The following FOXP2 variants were observed in gnomAD, a reference collection of about 807,000 sequenced individuals.
The protein encoded by FOXP2 is forkhead box P2.
In FOXP2, 12 loss-of-function variants were observed where a neutral mutation model predicts 115.8. That is an observed-to-expected ratio of 0.10 (90% CI 0.07 to 0.17). The LOEUF is 0.17. Ranked by LOEUF, FOXP2 falls within the 10% of genes least tolerant of loss-of-function variation. The probability of loss-of-function intolerance (pLI) is 1.00; values close to 1 mark genes in which losing one functional copy is unlikely to be tolerated. For synonymous variants in FOXP2, 328 were observed against 297.7 expected, an observed-to-expected ratio of 1.10 and a Z score of -1.05; for missense variants, 629 against 843.5, an observed-to-expected ratio of 0.75 and a Z score of 3.15.
chr7:114,401,130 AGG>A (rs1162059215), intron 2 of FOXP2, among the ~76,000 whole-genome samples: 3 of 152,118 alleles, frequency 2.0e-5, no homozygotes, highest in Non-Finnish European at 4.4e-5. Flanking sequence ...CTGACTTAGT[AGG>A]GTTCTTTTGA....
In FOXP2 at chr7:114,261,076, C is replaced by T. The variant is rs1223131473; in HGVS notation, c.-101-26943C>T. Among the ~76,000 whole-genome samples the T allele has an allele frequency of 5.3e-5, 8 of 152,162 alleles. No homozygotes were observed. In the East Asian group the frequency reaches 1.4e-3, roughly 26 times the overall value. ...GTATCTGTTAGAGAGCAATGAAGTT[C>T]CCTTTTGTTTGGTTTACAATTGTTG... is the stretch of plus-strand genomic sequence containing the variant. On this transcript the variant is annotated intron_variant, in intron 1 of 17. Transcript: ENST00000634411.
intron 13 of FOXP2, among the ~76,000 whole-genome samples, chr7:114,660,407 G>A (rs1244993024): frequency 6.6e-6 from 1 of 152,092 alleles, no homozygotes; most frequent in African/African-American, 2.4e-5. Flanking sequence ...AAGCCATTTG[G>A]TACAAAAGGG....
intron 1 of FOXP2, among the ~76,000 whole-genome samples, chr7:114,157,324 G>A (rs912874329): frequency 6.6e-6 from 1 of 152,078 alleles, no homozygotes; most frequent in Non-Finnish European, 1.5e-5. Context: ...TGCTATTTGA[G>A]TAGCTTATTC....
At chr7:114,279,766 T>TA (rs35505116) in intron 1 of FOXP2, among the ~76,000 whole-genome samples, 4,318 of 145,038 alleles carry the variant, frequency 0.03, 122 homozygotes, top group African/African-American at 0.074. Context: ...TATATTAGTT[T>TA]AAAAAAAAAA....
intron 1 of FOXP2, among the ~76,000 whole-genome samples, chr7:114,146,149 C>T (rs1382736952): frequency 6.6e-6 from 1 of 152,136 alleles, no homozygotes; most frequent in Non-Finnish European, 1.5e-5. Context: ...TGGATCTAAA[C>T]TAGATACCAT....
chr7:114,402,506 AAT>A (rs1562905726), intron 2 of FOXP2, among the ~76,000 whole-genome samples: 1 of 152,178 alleles, frequency 6.6e-6, no homozygotes, highest in Non-Finnish European at 1.5e-5. Context: ...CTGGTAAACA[AAT>A]ATTTGTTGAG....
chr7:114,228,053 G>T (rs1794785633), intron 1 of FOXP2, among the ~76,000 whole-genome samples: 1 of 151,906 alleles, frequency 6.6e-6, no homozygotes, highest in Admixed American at 6.6e-5. Flanking sequence ...ATGCTTCTTA[G>T]TTTATTATGA....
At chr7:114,272,595 A>G (rs769787319) in intron 1 of FOXP2, among the ~76,000 whole-genome samples, 5 of 151,780 alleles carry the variant, frequency 3.3e-5, no homozygotes, top group Non-Finnish European at 7.4e-5. Context: ...ATTTCTTCTT[A>G]TATGAGTTTT....
chr7:114,177,107 G>T (rs958056850), intron 1 of FOXP2, among the ~76,000 whole-genome samples: 2 of 151,962 alleles, frequency 1.3e-5, no homozygotes, highest in African/African-American at 4.8e-5. Context: ...GGGGCATTTT[G>T]GTTGTTTGTT....
intron 2 of FOXP2, among the ~76,000 whole-genome samples, chr7:114,385,784 G>A (rs1469234927): frequency 2.6e-5 from 4 of 152,122 alleles, no homozygotes; most frequent in Non-Finnish European, 2.9e-5. Flanking sequence ...AAATGTTACC[G>A]GAGGTCCTTG....
At chr7:114,158,200 A>G (rs1447002219), upstream of FOXP2, among the ~76,000 whole-genome samples, 1 of 152,090 alleles carries the variant, frequency 6.6e-6, no homozygotes, top group African/African-American at 2.4e-5. Flanking sequence ...AGCAAAATAT[A>G]TTTACTGATT....
intron 3 of FOXP2, among the ~76,000 whole-genome samples, chr7:114,624,582 A>G (rs575653008): frequency 2.0e-5 from 3 of 151,966 alleles, no homozygotes; most frequent in Middle Eastern, 3.4e-3. Flanking sequence ...AAATGCTCCA[A>G]CTGAACTGGA....
chr7:114,681,096 G>A (rs1808062120), intron 16 of FOXP2, among the ~76,000 whole-genome samples: 1 of 152,108 alleles, frequency 6.6e-6, no homozygotes, highest in African/African-American at 2.4e-5. Flanking sequence ...TGGCAATCTT[G>A]TACATTTATT....
rs1019089742 is a variant in FOXP2, at chr7:114,102,088, G to T, written c.-247+14250G>T. ...GTGTCCTTAAATTTTTTGTTTTTTG[G>T]TCTATTTTATCTCATTTTGAGCATT... On this transcript the variant is annotated intron_variant, in intron 1 of 19. Transcript: ENST00000635638. 9.6e-4 allele frequency among the ~76,000 whole-genome samples: 145 copies of T among 151,490 alleles called. 1 individual carries two copies. The highest frequency in any genetic ancestry group is 3.4e-3 in the Middle Eastern group (1 of 292).
chr7:114,344,155 T>A (rs1297720811), intron 2 of FOXP2, among the ~76,000 whole-genome samples: 1 of 151,722 alleles, frequency 6.6e-6, no homozygotes. Flanking sequence ...AAAAGAACTA[T>A]ACAACATGTT....
chr7:114,113,784 G>A (rs574096667), intron 1 of FOXP2, among the ~76,000 whole-genome samples: 31 of 152,052 alleles, frequency 2.0e-4, no homozygotes, highest in Non-Finnish European at 4.0e-4. Context: ...GTTAAGGTGT[G>A]GGCCACCACT....
At chr7:114,655,270 T>C (rs971648412) in intron 10 of FOXP2, among the ~76,000 whole-genome samples, 7 of 152,158 alleles carry the variant, frequency 4.6e-5, no homozygotes, top group Non-Finnish European at 1.0e-4. Context: ...ATCTGCAGCT[T>C]GTTCTTTTCC....
intron 11 of FOXP2, among the ~76,000 whole-genome samples, chr7:114,658,833 A>C (rs919795338): frequency 1.1e-4 from 17 of 151,774 alleles, no homozygotes; most frequent in African/African-American, 4.1e-4. Context: ...CTTCTCCCCC[A>C]CCTGCCATCC....
intron 2 of FOXP2, among the ~76,000 whole-genome samples, chr7:114,370,273 A>C (rs1404206925): frequency 6.6e-6 from 1 of 152,224 alleles, no homozygotes; most frequent in Non-Finnish European, 1.5e-5. Flanking sequence ...GGTTCATTAA[A>C]GTGTCCTTAG....
Sources: allele counts gnomAD v4.1 joint callset (sites outside exome capture counted in the v4.1 genomes callset), GRCh38; gene constraint gnomAD v4.1.1; transcripts MANE v1.5; gene names NCBI Gene and HGNC (gene_info 2026-07-23, HGNC 2026-07-21).